FLT3: variants seen among roughly 807,000 people sequenced by gnomAD.
The protein encoded by FLT3 is receptor-type tyrosine-protein kinase FLT3.
FLT3 carries 46 observed loss-of-function variants against 126.6 expected under a neutral mutation model. The observed-to-expected ratio is 0.36, with a 90% CI of 0.29 to 0.46. The LOEUF (loss-of-function observed/expected upper bound fraction) is 0.46. Among genes scored for constraint, FLT3 ranks in the 20% least tolerant of loss-of-function variants. FLT3 has a pLI of 1.00. For synonymous variants in FLT3, 404 were observed against 434.4 expected (o/e 0.93, Z 0.87); for missense variants, 1,069 against 1,190.3 (o/e 0.90, Z 1.50).
intron 1 of FLT3, among the ~76,000 whole-genome samples, chr13:28,091,279 T>C (rs931809004): frequency 6.3e-5 from 8 of 127,200 alleles, no homozygotes; most frequent in African/African-American, 2.4e-4. Flanking sequence ...TGGAGTGCAG[T>C]GGCGCGATCT....
In FLT3 at chr13:28,036,022, T is replaced by A. The variant is rs1873808561; in HGVS notation, c.1331A>T (p.Glu444Val). 6.2e-7 allele frequency: 1 copy of A among 1,613,958 alleles called. No homozygotes were observed. The highest frequency in any genetic ancestry group is 1.3e-5 in the African/African-American group (1 of 74,904). ...ACAGGACGCCTGACTTGCCGATGCT[T>A]CTGCGAGCACTTGAGGTTTCCCTAT... is the stretch of plus-strand genomic sequence containing the variant. ...NIRRKPQVLA[E>V]ASASQASCFS... The change falls in exon 11 of 24, where the codon GAA becomes GTA. Residue 444 changes from glutamate (E) to valine (V), a missense_variant. Glu to Val is a moderately radical substitution (Grantham distance 121). Coordinates refer to ENST00000241453, the MANE Select transcript of FLT3 (RefSeq NM_004119.3).
intron 23 of FLT3, among the ~76,000 whole-genome samples, chr13:28,007,042 C>T (rs140481983): frequency 0.011 from 1,676 of 152,114 alleles, 21 homozygotes; most frequent in Non-Finnish European, 0.017. Context: ...CCCTCAGCCA[C>T]TGTTGTTTTT....
At chr13:28,017,647 A>G (rs1188368754) in intron 20 of FLT3, among the ~76,000 whole-genome samples, 1 of 147,344 alleles carries the variant, frequency 6.8e-6, no homozygotes, top group Non-Finnish European at 1.5e-5. Flanking sequence ...GTCAATTCAC[A>G]CTGTTTTTTT....
At chr13:28,009,711 C>T (rs758661597) in intron 23 of FLT3, among the ~76,000 whole-genome samples, 2 of 152,090 alleles carry the variant, frequency 1.3e-5, no homozygotes, top group African/African-American at 2.4e-5. Flanking sequence ...CAGGAATGCA[C>T]CACCACGCCT....
At chr13:28,028,312 A>T (rs750671535) in intron 15 of FLT3, 24 bp from the exon 16 acceptor site, 3 of 1,240,224 alleles carry the variant, frequency 2.4e-6, no homozygotes, top group Non-Finnish European at 3.6e-6. Flanking sequence ...GAGCATTAAA[A>T]ATGTAAAACT....
At chr13:28,030,190 AG>A (rs1873193297) in intron 15 of FLT3, among the ~76,000 whole-genome samples, 1 of 152,156 alleles carries the variant, frequency 6.6e-6, no homozygotes, top group Non-Finnish European at 1.5e-5. Context: ...GCAAGCTCTC[AG>A]GGGTATCCTT....
At chr13:28,091,125 A>C (rs1233594494) in intron 1 of FLT3, among the ~76,000 whole-genome samples, 4 of 148,260 alleles carry the variant, frequency 2.7e-5, no homozygotes, top group African/African-American at 9.9e-5. Flanking sequence ...TGGAGACCAG[A>C]GTTCCAAGTC....
chr13:28,078,895 G>A (rs1878137244), intron 1 of FLT3, among the ~76,000 whole-genome samples: 1 of 151,992 alleles, frequency 6.6e-6, no homozygotes, highest in South Asian at 2.1e-4. Context: ...TGTATTTTTA[G>A]TAGAGACAGG....
At chr13:28,048,477 A>G (rs1486826816) in intron 8 of FLT3, 34 bp from the exon 9 acceptor site, 5 of 1,352,978 alleles carry the variant, frequency 3.7e-6, no homozygotes, top group African/African-American at 2.9e-5. Flanking sequence ...TGAGTTAGTT[A>G]ATAATATTCA....
intron 19 of FLT3, among the ~76,000 whole-genome samples, chr13:28,021,847 A>T (rs538443073): frequency 1.3e-5 from 2 of 150,696 alleles, no homozygotes; most frequent in East Asian, 3.9e-4. Flanking sequence ...GGTTCATGCC[A>T]TTCTCCTGCC....
intron 20 of FLT3, among the ~76,000 whole-genome samples, chr13:28,017,183 C>T (rs1456996152): frequency 6.6e-6 from 1 of 152,004 alleles, no homozygotes; most frequent in Non-Finnish European, 1.5e-5. Context: ...ACTAAGTCAG[C>T]ATTTAATATT....
intron 1 of FLT3, among the ~76,000 whole-genome samples, chr13:28,096,984 G>A (rs1184415190): frequency 6.6e-6 from 1 of 152,114 alleles, no homozygotes; most frequent in Non-Finnish European, 1.5e-5. Flanking sequence ...AGCACTTTGG[G>A]AGGATCACTT....
chr13:28,062,238 A>G (rs1180071539), intron 2 of FLT3, among the ~76,000 whole-genome samples, 169 bp from the exon 3 acceptor site: 1 of 152,204 alleles, frequency 6.6e-6, no homozygotes, highest in African/African-American at 2.4e-5. Flanking sequence ...CCTATTAATT[A>G]TAATTCTCTA....
chr13:28,012,799 C>T (rs1318524783), intron 23 of FLT3, among the ~76,000 whole-genome samples: 3 of 151,660 alleles, frequency 2.0e-5, no homozygotes, highest in Non-Finnish European at 2.9e-5. Flanking sequence ...TAGCTGGGTC[C>T]GGTGGTGTGT....
chr13:28,057,558 G>A (rs562180167), intron 3 of FLT3, 96 bp from the exon 4 acceptor site: 83 of 688,322 alleles, frequency 1.2e-4, no homozygotes, highest in East Asian at 1.1e-3. Context: ...GTACTCCAGC[G>A]TTCCCCGACT....
chr13:28,027,693 C>A (rs543226567), intron 16 of FLT3, among the ~76,000 whole-genome samples: 5 of 152,310 alleles, frequency 3.3e-5, no homozygotes, highest in Admixed American at 1.3e-4. Flanking sequence ...AAAGAATGAA[C>A]CTTGGGCACA....
At chr13:28,039,360 C>T (rs946140792) in intron 9 of FLT3, among the ~76,000 whole-genome samples, 7 of 151,194 alleles carry the variant, frequency 4.6e-5, no homozygotes, top group African/African-American at 1.5e-4. Context: ...CGCCACCACG[C>T]CCGGCTAATT....
intron 20 of FLT3, among the ~76,000 whole-genome samples, chr13:28,016,143 C>T (rs1871836386): frequency 6.6e-6 from 1 of 152,158 alleles, no homozygotes; most frequent in African/African-American, 2.4e-5. Context: ...GAAATGATAC[C>T]AGTCTGGCTT....
chr13:28,005,953 T>C (rs1417844825), intron 23 of FLT3, among the ~76,000 whole-genome samples: 1 of 152,114 alleles, frequency 6.6e-6, no homozygotes, highest in Non-Finnish European at 1.5e-5. Context: ...TCCTTTGCCT[T>C]TTATGTATAT....
Sources: gnomAD v4.1 joint callset for allele counts (sites outside exome capture counted in the v4.1 genomes callset) on GRCh38, gnomAD v4.1.1 for gene constraint, MANE v1.5 for transcripts, NCBI Gene and HGNC (gene_info 2026-07-23, HGNC 2026-07-21) for gene names.